The following MPHOSPH6 variants were observed in gnomAD, a reference collection of about 807,000 sequenced individuals.
MPHOSPH6 encodes the protein M-phase phosphoprotein 6.
In MPHOSPH6, 25 loss-of-function variants were observed where a neutral mutation model predicts 21.8. The observed-to-expected ratio is 1.15, with a 90% CI of 0.83 to 1.60. MPHOSPH6 has a LOEUF of 1.60. MPHOSPH6 is among the 40% of genes most tolerant of loss of function. The pLI is 0.00. For missense variants in MPHOSPH6, 269 were observed against 181.8 expected, an observed-to-expected ratio of 1.48 and a Z score of -2.76; for synonymous variants, 84 against 56.5, an observed-to-expected ratio of 1.49 and a Z score of -2.18.
intron 3 of MPHOSPH6, among the ~76,000 whole-genome samples, chr16:82,150,573 T>C (rs982602491): frequency 6.6e-6 from 1 of 152,222 alleles, no homozygotes; most frequent in Non-Finnish European, 1.5e-5. Context: ...TGGGGATGAT[T>C]TTCCCCACCA....
intron 2 of MPHOSPH6, 102 bp from the exon 3 acceptor site, chr16:82,151,616 G>T (rs1284662225): frequency 7.4e-7 from 1 of 1,347,314 alleles, no homozygotes; most frequent in African/African-American, 1.5e-5. Context: ...GTTCTCAGTA[G>T]AATGAAGTAA....
chr16:82,163,611 C>A lies in MPHOSPH6; in HGVS notation c.164+471G>T, dbSNP rs1417122598. Among the ~76,000 whole-genome samples the A allele has an allele frequency of 5.9e-5, 9 of 152,152 alleles. No homozygotes were observed. The East Asian group carries it at 1.7e-3, about 29-fold the overall frequency. On this transcript the variant is annotated intron_variant, in intron 2 of 4. Coordinates refer to ENST00000258169, the MANE Select transcript of MPHOSPH6 (RefSeq NM_005792.2). Reference sequence around the variant, plus strand: ...TGTTTAGCCCAGTTCCTGGTACACACTATAGATTCAGTAAATGTTAGCTAA... The same window carrying A: ...TGTTTAGCCCAGTTCCTGGTACACAATATAGATTCAGTAAATGTTAGCTAA...
chr16:82,165,370 C>T (rs926449384), intron 1 of MPHOSPH6, among the ~76,000 whole-genome samples: 22 of 151,888 alleles, frequency 1.4e-4, no homozygotes, highest in Non-Finnish European at 2.5e-4. Flanking sequence ...GTGATCCACC[C>T]GCCTCGGCCT....
intron 2 of MPHOSPH6, among the ~76,000 whole-genome samples, chr16:82,158,522 A>AC (rs1906504769): frequency 1.4e-5 from 2 of 142,664 alleles, no homozygotes; most frequent in African/African-American, 4.9e-5. Context: ...AAAAAAAAAA[A>AC]AGATACTTCA....
chr16:82,166,101 T>C (rs1263009291), intron 1 of MPHOSPH6, among the ~76,000 whole-genome samples: 3 of 152,210 alleles, frequency 2.0e-5, no homozygotes, highest in Non-Finnish European at 2.9e-5. Context: ...TCACTGTCAA[T>C]GTCCTGGCTC....
Position 82,151,613 on chromosome 16 carries a change from G to T in MPHOSPH6, c.165-99C>A, listed in dbSNP as rs1286790395. Reference sequence around the variant, plus strand: ...AAAAATAATCAACCTATGGTTCTCAGTAGAATGAAGTAAAAATACAGTAAG... The same window carrying T: ...AAAAATAATCAACCTATGGTTCTCATTAGAATGAAGTAAAAATACAGTAAG... On this transcript the variant is annotated intron_variant, in intron 2 of 4. Coordinates refer to ENST00000258169, the MANE Select transcript of MPHOSPH6 (RefSeq NM_005792.2). 11 of 1,351,322 alleles carry T rather than the reference G, an allele frequency of 8.1e-6. No individual in the cohort carries two copies. The East Asian group carries it at 2.8e-4, about 35-fold the overall frequency. 83.7% of individuals were successfully genotyped at this position (1,351,322 alleles called of 1,614,324 possible).
intron 3 of MPHOSPH6, among the ~76,000 whole-genome samples, chr16:82,150,651 T>C (rs1228491954): frequency 6.6e-6 from 1 of 152,218 alleles, no homozygotes; most frequent in Non-Finnish European, 1.5e-5. Context: ...GGGGTGTGTG[T>C]GTGCTACTGA....
chr16:82,162,339 C>G (rs1269307074), intron 2 of MPHOSPH6: 1 of 152,242 alleles, frequency 6.6e-6, no homozygotes, highest in African/African-American at 2.4e-5. Flanking sequence ...AAAACAACAA[C>G]TCAATACAAC....
intron 1 of MPHOSPH6, among the ~76,000 whole-genome samples, chr16:82,165,123 T>TG (rs1906728186): frequency 1.2e-5 from 1 of 86,292 alleles, no homozygotes; most frequent in African/African-American, 8.0e-5. Context: ...TCTTTTTTAT[T>TG]TTTTTTTTTA....
At chr16:82,151,783 G>A (rs1198894331) in intron 2 of MPHOSPH6, among the ~76,000 whole-genome samples, 1 of 152,170 alleles carries the variant, frequency 6.6e-6, no homozygotes, top group Non-Finnish European at 1.5e-5. Flanking sequence ...AAGATCTAAA[G>A]TATTGACAAT....
In MPHOSPH6 at chr16:82,149,312, C is replaced by G. The variant is rs752866372; in HGVS notation, c.347G>C (p.Arg116Thr). 2 of 1,613,026 alleles carry G rather than the reference C, an allele frequency of 1.2e-6. No individual in the cohort carries two copies. The highest frequency in any genetic ancestry group is 2.7e-5 in the African/African-American group (2 of 74,950). The change falls in exon 4 of 5, where the codon AGA becomes ACA. Residue 116 changes from arginine (R) to threonine (T), a missense_variant. Arg to Thr is a moderately conservative substitution (Grantham distance 71). Coordinates refer to ENST00000258169, the MANE Select transcript of MPHOSPH6 (RefSeq NM_005792.2). ...GGCTGCTGCGCAGCACGGTTACCTT[C>G]TAGCCATCTCTTCATCTGACACATC... ...ELDVSDEEMA[R>T]RYETLVGTIG... is the part of the protein sequence containing the mutation.
intron 2 of MPHOSPH6, among the ~76,000 whole-genome samples, chr16:82,154,378 A>G (rs28556979): frequency 0.019 from 2,841 of 152,304 alleles, 106 homozygotes; most frequent in African/African-American, 0.065. Context: ...GAAAAATAAC[A>G]AAATCCAGGT....
chr16:82,150,384 G>C (rs1906226306), intron 3 of MPHOSPH6, among the ~76,000 whole-genome samples: 1 of 151,998 alleles, frequency 6.6e-6, no homozygotes, highest in African/African-American at 2.4e-5. Context: ...CTTAATTAAA[G>C]AAAGTCAAAG....
chr16:82,166,131 G>A (rs1014640194), intron 1 of MPHOSPH6, among the ~76,000 whole-genome samples: 2 of 152,224 alleles, frequency 1.3e-5, no homozygotes, highest in Non-Finnish European at 2.9e-5. Context: ...TCCTAGTGTT[G>A]TAAAATGTTG....
intron 2 of MPHOSPH6, among the ~76,000 whole-genome samples, chr16:82,152,669 A>C (rs1906303333): frequency 6.6e-6 from 1 of 152,148 alleles, no homozygotes; most frequent in Non-Finnish European, 1.5e-5. Flanking sequence ...GTTGCTGCTG[A>C]CGGGGCTGAG....
rs555925059 is a variant in MPHOSPH6, at chr16:82,162,574, G to A, written c.164+1508C>T. Reference sequence around the variant, plus strand: ...TCTACACAACTTATCTGCAGATTCGGTAGCAGCTATTCCCCACCCACCCGT... The same window carrying A: ...TCTACACAACTTATCTGCAGATTCGATAGCAGCTATTCCCCACCCACCCGT... On this transcript the variant is annotated intron_variant, in intron 2 of 4. Transcript: ENST00000258169. 3.3e-5 allele frequency among the ~76,000 whole-genome samples: 5 copies of A among 152,290 alleles called. No homozygotes were observed. In the South Asian group the frequency reaches 1.0e-3, roughly 32 times the overall value.
chr16:82,154,192 G>C (rs137977899), intron 2 of MPHOSPH6, among the ~76,000 whole-genome samples: 300 of 152,306 alleles, frequency 2.0e-3, no homozygotes, highest in African/African-American at 7.0e-3. Context: ...GCAAGGAAAT[G>C]TTTGAGTTCT....
At position 82,159,008 on chromosome 16, in the gene MPHOSPH6, C is replaced by T. The variant is rs1906522692; in HGVS notation, c.164+5074G>A. Among the ~76,000 whole-genome samples, 6 of 152,176 alleles carry T rather than the reference C, an allele frequency of 3.9e-5. No homozygotes were observed. In the South Asian group the frequency reaches 1.0e-3, roughly 26 times the overall value. On this transcript the variant is annotated intron_variant, in intron 2 of 4. Coordinates refer to ENST00000258169, the MANE Select transcript of MPHOSPH6 (RefSeq NM_005792.2). ...AAAAATTCACTGGTGTTTTCAGATT[C>T]CACGTTGCAATTTACTCTGAAGAAA...
intron 2 of MPHOSPH6, among the ~76,000 whole-genome samples, chr16:82,157,773 T>A (rs1454251467): frequency 6.6e-6 from 1 of 152,106 alleles, no homozygotes; most frequent in African/African-American, 2.4e-5. Flanking sequence ...GGAAGCAAGA[T>A]ATGAGGATGC....
Sources: allele counts gnomAD v4.1 joint callset (sites outside exome capture counted in the v4.1 genomes callset), GRCh38; gene constraint gnomAD v4.1.1; transcripts MANE v1.5; gene names NCBI Gene and HGNC (gene_info 2026-07-23, HGNC 2026-07-21).